Variants in CCDC7 observed in about 807,000 individuals in gnomAD.
CCDC7 encodes the protein coiled-coil domain-containing protein 7.
CCDC7 carries 183 observed loss-of-function variants against 196.9 expected under a neutral mutation model. The observed-to-expected ratio is 0.93, with a 90% confidence interval of 0.82 to 1.05. The LOEUF is 1.05. CCDC7 is among the 50% of genes least tolerant of loss of function. CCDC7 has a pLI of 0.00. For missense variants in CCDC7, 1,540 were observed against 1,482.2 expected, an observed-to-expected ratio of 1.04 and a Z score of -0.64; for synonymous variants, 525 against 484.6, an observed-to-expected ratio of 1.08 and a Z score of -1.10.
chr10:32,708,027 C>G (rs2080104972), intron 24 of CCDC7, among the ~76,000 whole-genome samples: 1 of 152,140 alleles, frequency 6.6e-6, no homozygotes, highest in African/African-American at 2.4e-5. Flanking sequence ...AATCCTAAGT[C>G]AAAAGAACAA....
intron 22 of CCDC7, among the ~76,000 whole-genome samples, chr10:32,686,634 G>C (rs2076498327): frequency 6.6e-6 from 1 of 152,228 alleles, no homozygotes; most frequent in Non-Finnish European, 1.5e-5. Flanking sequence ...GCCAGTAGCA[G>C]AATAGGTTCA....
chr10:32,875,390 A>T (rs780237035), intron 41 of CCDC7, among the ~76,000 whole-genome samples: 6 of 152,054 alleles, frequency 3.9e-5, no homozygotes, highest in Non-Finnish European at 2.9e-5. Flanking sequence ...TTGAACAGGG[A>T]GTCTTTTCCC....
chr10:32,564,363 G>T (rs1251241675), intron 13 of CCDC7, among the ~76,000 whole-genome samples: 2 of 152,106 alleles, frequency 1.3e-5, no homozygotes, highest in African/African-American at 2.4e-5. Flanking sequence ...TATGTTTATT[G>T]TGGCACTATT....
chr10:32,789,174 A>G (rs886652325), intron 29 of CCDC7, among the ~76,000 whole-genome samples: 3 of 151,716 alleles, frequency 2.0e-5, no homozygotes, highest in African/African-American at 7.3e-5. Flanking sequence ...GAAAATACCA[A>G]TGCATGGGCA....
At chr10:32,741,727 T>TA in intron 28 of CCDC7, among the ~76,000 whole-genome samples, 1 of 152,276 alleles carries the variant, frequency 6.6e-6, no homozygotes, top group East Asian at 1.9e-4. Flanking sequence ...CCATTTCTCT[T>TA]ACAACTGGTA....
intron 21 of CCDC7, among the ~76,000 whole-genome samples, chr10:32,667,541 T>C (rs1417328721): frequency 1.3e-5 from 2 of 152,202 alleles, no homozygotes; most frequent in Non-Finnish European, 2.9e-5. Flanking sequence ...GAATTAATTT[T>C]TGTATAAGGT....
At chr10:32,764,617 T>TA (rs1415847752) in intron 28 of CCDC7, among the ~76,000 whole-genome samples, 2 of 151,868 alleles carry the variant, frequency 1.3e-5, no homozygotes, top group Non-Finnish European at 2.9e-5. Context: ...TTCGAAGGCC[T>TA]AGGAAAATTG....
At chr10:32,700,122 C>A (rs1018739489) in intron 24 of CCDC7, among the ~76,000 whole-genome samples, 3 of 149,406 alleles carry the variant, frequency 2.0e-5, no homozygotes, top group Non-Finnish European at 1.5e-5. Context: ...GACATGAAGT[C>A]CTTGCCCATG....
intron 8 of CCDC7, among the ~76,000 whole-genome samples, chr10:32,486,020 G>T (rs1264618496): frequency 1.3e-5 from 2 of 152,128 alleles, no homozygotes; most frequent in African/African-American, 2.4e-5. Flanking sequence ...GGTCCACTTG[G>T]TGCAGAGCTG....
At chr10:32,755,872 G>A (rs974830986) in intron 28 of CCDC7, among the ~76,000 whole-genome samples, 4 of 152,070 alleles carry the variant, frequency 2.6e-5, no homozygotes, top group African/African-American at 7.2e-5. Flanking sequence ...AAGATGAGAC[G>A]AATGGCTAAC....
chr10:32,515,135 T>G (rs2046825580), intron 9 of CCDC7, among the ~76,000 whole-genome samples: 1 of 152,212 alleles, frequency 6.6e-6, no homozygotes, highest in African/African-American at 2.4e-5. Context: ...TTTAATAATC[T>G]TAAGATAGCA....
chr10:32,507,930 T>C (rs1286990886), intron 9 of CCDC7, among the ~76,000 whole-genome samples: 1 of 151,902 alleles, frequency 6.6e-6, no homozygotes, highest in African/African-American at 2.4e-5. Flanking sequence ...CAGTGGTGAA[T>C]AGTTGAAGAC....
intron 28 of CCDC7, among the ~76,000 whole-genome samples, chr10:32,737,311 T>C (rs1478123125): frequency 6.6e-6 from 1 of 152,178 alleles, no homozygotes; most frequent in Non-Finnish European, 1.5e-5. Flanking sequence ...TGTTGGTTTG[T>C]AGTTTTTTTC....
chr10:32,565,467 A>G (rs1029997253), intron 13 of CCDC7, 91 bp from the exon 15 acceptor site: 4 of 1,301,760 alleles, frequency 3.1e-6, no homozygotes, highest in East Asian at 2.5e-5. Flanking sequence ...TATCTTGGGT[A>G]TCTATGGGTT....
downstream of CCDC7, among the ~76,000 whole-genome samples, chr10:32,880,216 G>A (rs1315316712): frequency 3.3e-5 from 5 of 152,054 alleles, no homozygotes; most frequent in Non-Finnish European, 7.4e-5. Flanking sequence ...AGCATCTGTT[G>A]TTTCTTGACT....
intron 31 of CCDC7, among the ~76,000 whole-genome samples, chr10:32,820,463 T>G (rs2089938538): frequency 6.6e-6 from 1 of 152,146 alleles, no homozygotes; most frequent in South Asian, 2.1e-4. Flanking sequence ...TGGAAAAAAC[T>G]ACTTTAAAGT....
chr10:32,728,544 C>T (rs938004348), intron 26 of CCDC7, among the ~76,000 whole-genome samples: 1 of 152,116 alleles, frequency 6.6e-6, no homozygotes, highest in African/African-American at 2.4e-5. Flanking sequence ...ACAAATAATG[C>T]TATAACGAAT....
At chr10:32,798,179 C>T (rs982030221) in intron 29 of CCDC7, among the ~76,000 whole-genome samples, 2 of 152,162 alleles carry the variant, frequency 1.3e-5, no homozygotes. Flanking sequence ...AACCTCTGCC[C>T]TTTCCATGAT....
At chr10:32,739,544 G>A (rs1048604061) in intron 28 of CCDC7, among the ~76,000 whole-genome samples, 1 of 151,458 alleles carries the variant, frequency 6.6e-6, no homozygotes, top group Non-Finnish European at 1.5e-5. Flanking sequence ...TTTTCTATCA[G>A]TGGTCTTAAT....
Sources: gnomAD v4.1 joint callset for allele counts (sites outside exome capture counted in the v4.1 genomes callset) on GRCh38, gnomAD v4.1.1 for gene constraint, MANE v1.5 for transcripts, NCBI Gene and HGNC (gene_info 2026-07-23, HGNC 2026-07-21) for gene names.